The following TTLL12 variants were observed in gnomAD, a reference collection of about 807,000 sequenced individuals.
The protein encoded by TTLL12 is tubulin tyrosine ligase like 12.
In TTLL12, 77 loss-of-function variants were observed where a neutral mutation model predicts 79.6. The ratio of observed to expected loss-of-function variants is 0.97; its 90% CI spans 0.81 to 1.17. The LOEUF (loss-of-function observed/expected upper bound fraction) is 1.17, where lower values mean the gene tolerates loss of function less well. Among genes scored for constraint, TTLL12 ranks in the 50% most tolerant of loss-of-function variants. The probability of loss-of-function intolerance (pLI) is 0.00; values close to 1 mark genes in which losing one functional copy is unlikely to be tolerated. For missense variants in TTLL12, 969 were observed against 895.9 expected, an observed-to-expected ratio of 1.08 and a Z score of -1.04; for synonymous variants, 437 against 376.1, an observed-to-expected ratio of 1.16 and a Z score of -1.87.
intron 6 of TTLL12, among the ~76,000 whole-genome samples, chr22:43,174,983 C>T (rs1240630565): frequency 6.6e-6 from 1 of 152,260 alleles, no homozygotes; most frequent in Non-Finnish European, 1.5e-5. Flanking sequence ...CAGACAGGCA[C>T]ACCAAGGGCC....
rs1373772195 is a variant in TTLL12, at chr22:43,171,815, C to T, written c.1575+4G>A. On this transcript the variant is annotated splice_donor_region_variant and intron_variant, in intron 11 of 13. Coordinates refer to ENST00000216129, the MANE Select transcript of TTLL12 (RefSeq NM_015140.4). Reference sequence around the variant, plus strand: ...ACCTGCTCTGCACCTCCCTCAGGCCCTACCTGCTTCAGCACCACATCCGGG... The same window carrying T: ...ACCTGCTCTGCACCTCCCTCAGGCCTTACCTGCTTCAGCACCACATCCGGG... The T allele has an allele frequency of 5.6e-6, 9 of 1,613,832 alleles. No homozygotes were observed. The highest frequency in any genetic ancestry group is 7.6e-6 in the Non-Finnish European group (9 of 1,179,920).
chr22:43,182,180 G>A (rs1932074894), intron 2 of TTLL12, among the ~76,000 whole-genome samples: 1 of 152,198 alleles, frequency 6.6e-6, no homozygotes, highest in Admixed American at 6.5e-5. Context: ...GAGCTCCCAG[G>A]GCAGCCACTG....
At chr22:43,168,677 G>A (rs1018977201) in intron 13 of TTLL12, 97 bp downstream of exon 13, 2 of 1,493,220 alleles carry the variant, frequency 1.3e-6, no homozygotes, top group East Asian at 2.5e-5. Flanking sequence ...CAAGCCAGAG[G>A]ACAGCCTGGG....
chr22:43,182,748 G>T (rs577960674), intron 2 of TTLL12, among the ~76,000 whole-genome samples: 1 of 152,196 alleles, frequency 6.6e-6, no homozygotes, highest in Admixed American at 6.5e-5. Flanking sequence ...CAATGAGACC[G>T]CTGGGAGAGG....
At chr22:43,186,863 G>A (rs1223166446) in intron 1 of TTLL12, 30 bp downstream of exon 1, 3 of 1,250,054 alleles carry the variant, frequency 2.4e-6, no homozygotes, top group Non-Finnish European at 2.0e-6. Context: ...CACCCCGGCC[G>A]CCGCACGTGC....
At chr22:43,168,463 T>TA (rs1301584023) in intron 13 of TTLL12, among the ~76,000 whole-genome samples, 2 of 149,624 alleles carry the variant, frequency 1.3e-5, no homozygotes, top group East Asian at 3.9e-4. Flanking sequence ...AGCAGCAGTG[T>TA]ACTGTGTGGG....
At position 43,180,076 on chromosome 22, in the gene TTLL12, G is replaced by C. The variant is rs1002360024; in HGVS notation, c.547-76C>G. On this transcript the variant is annotated intron_variant, in intron 3 of 13. Transcript: ENST00000216129. ...AACTCCCTTCCGGAACCCAGACATC[G>C]ACCACCAGCCCACAGCCATTTCTCT... 3.4e-6 allele frequency: 5 copies of C among 1,480,564 alleles called. No individual in the cohort carries two copies. The Admixed American group carries it at 6.0e-5, about 18-fold the overall frequency. The allele number at this position is 1,480,564 out of a possible 1,614,324, so 91.7% of individuals were successfully genotyped here.
intron 6 of TTLL12, among the ~76,000 whole-genome samples, chr22:43,175,998 G>A (rs1931897737): frequency 6.6e-6 from 1 of 151,550 alleles, no homozygotes; most frequent in Non-Finnish European, 1.5e-5. Context: ...TCATAGGTGA[G>A]GTGTGAAACC....
At position 43,174,571 on chromosome 22, in the gene TTLL12, G is replaced by A. The variant is rs1189540494; in HGVS notation, c.962C>T (p.Pro321Leu). Residue 321 changes from proline to leucine, a missense_variant, in exon 7 of 14, where the codon CCG (proline) becomes CTG (leucine). Pro to Leu is a moderately conservative substitution (Grantham distance 98, BLOSUM62 -3). Transcript: ENST00000216129. ...VQQVASSLTH[P>L]RFTLTQSEAD... ...CTCACTCTGGGTGAGGGTGAAGCGC[G>A]GGTGGGTGAGGCTGCTGGCCACCTG... 1.3e-5 allele frequency: 21 copies of A among 1,613,174 alleles called. No homozygotes were observed. The highest frequency in any genetic ancestry group is 6.7e-5 in the Admixed American group (4 of 59,938).
At position 43,168,038 on chromosome 22, in the gene TTLL12, G is replaced by C. The variant is rs1348273118; in HGVS notation, c.1905C>G (p.Pro635=). Residue 635 remains proline, a synonymous_variant, in exon 14 of 14, where the codon CCC becomes CCG. Coordinates refer to ENST00000216129, the MANE Select transcript of TTLL12 (RefSeq NM_015140.4). ...DVFSTLFLDQ[P]GGCHVTCLV is the part of the protein sequence containing the mutation. ...CAAGGCAGGTAACGTGGCAGCCACCGGGCTGGTCCAGAAACAAGGTGCTGA... is the reference window on the plus strand; with the variant it reads ...CAAGGCAGGTAACGTGGCAGCCACCCGGCTGGTCCAGAAACAAGGTGCTGA... The C allele has an allele frequency of 6.2e-7, 1 of 1,614,094 alleles. No homozygotes were observed. The highest frequency in any genetic ancestry group is 8.5e-7 in the Non-Finnish European group (1 of 1,179,966).
At chr22:43,181,106 G>A (rs547785069) in intron 2 of TTLL12, among the ~76,000 whole-genome samples, 166 bp from the exon 3 acceptor site, 1 of 152,246 alleles carries the variant, frequency 6.6e-6, no homozygotes, top group Admixed American at 6.5e-5. Context: ...GTGGGCCTGG[G>A]TCAGGTGCTG....
Position 43,179,908 on chromosome 22 carries a change from G to A in TTLL12, c.639C>T (p.Pro213=), listed in dbSNP as rs141963658. The A allele has an allele frequency of 6.2e-6, 10 of 1,611,076 alleles. No individual in the cohort carries two copies. Among genetic ancestry groups the A allele is most frequent in the Non-Finnish European group, 8.5e-6 (10 of 1,179,898 alleles). The stretch of plus-strand genomic sequence containing the variant: ...CCACCTGCTGCGGCATGTAGAAGAA[G>A]GGTGCCGTGGCGAAGCTGGGCACGT... ...HADVPSFATA[P]FFYMPQQVAY... Residue 213 remains proline (P), a synonymous_variant, in exon 4 of 14, where the codon CCC becomes CCT. Transcript: ENST00000216129.
At chr22:43,175,670 AATTT>A (rs1232536368) in intron 6 of TTLL12, 5 of 151,720 alleles carry the variant, frequency 3.3e-5, no homozygotes, top group Non-Finnish European at 5.9e-5. Flanking sequence ...TTCAAAGATG[AATTT>A]ATTTTATTTT....
intron 6 of TTLL12, chr22:43,175,138 G>A (rs772158651): frequency 5.2e-5 from 8 of 152,572 alleles, no homozygotes; most frequent in African/African-American, 1.9e-4. Context: ...CCCGGTGGAG[G>A]GGGCAGAGTG....
chr22:43,181,053 T>A (rs900893521), intron 2 of TTLL12, 113 bp from the exon 3 acceptor site: 6 of 1,227,170 alleles, frequency 4.9e-6, no homozygotes, highest in Admixed American at 4.9e-5. Flanking sequence ...TTCCTTAGAT[T>A]TGGTCTACTG....
chr22:43,186,126 T>G (rs537078315), intron 1 of TTLL12: 251 of 407,788 alleles, frequency 6.2e-4, no homozygotes, highest in Middle Eastern at 1.3e-3. Flanking sequence ...CCTGCGCCAC[T>G]AGGCTCATCT....
chr22:43,172,026 G>T (rs567111823), intron 10 of TTLL12, 126 bp from the exon 11 acceptor site: 212 of 784,100 alleles, frequency 2.7e-4, no homozygotes, highest in Non-Finnish European at 2.8e-4. Flanking sequence ...TGCTGCTCAG[G>T]CGGGAGCCTG....
Position 43,172,447 on chromosome 22 carries a change from T to C in TTLL12, c.1449A>G (p.Leu483=), listed in dbSNP as rs754693909. ...AGAACACATCATACACGAACAACCG[T>C]AGGGGCCTCACTGACCGCAGCAGCA... The part of the protein sequence containing the change: ...YIVLLRSVRP[L]RLFVYDVFWL... The change falls in exon 10 of 14, where the codon CTA becomes CTG. Residue 483 remains leucine (L), a synonymous_variant. Coordinates refer to ENST00000216129, the MANE Select transcript of TTLL12 (RefSeq NM_015140.4). 3.1e-6 allele frequency: 5 copies of C among 1,614,008 alleles called. No individual in the cohort carries two copies. The highest frequency in any genetic ancestry group is 1.7e-5 in the Admixed American group (1 of 59,998).
At chr22:43,176,425 T>C in intron 5 of TTLL12, 29 bp from the exon 6 acceptor site, 10 of 1,581,658 alleles carry the variant, frequency 6.3e-6, no homozygotes, top group African/African-American at 1.3e-5. Context: ...GAAGTAGAGA[T>C]GAGGTCAAGG....
Sources: allele counts gnomAD v4.1 joint callset (sites outside exome capture counted in the v4.1 genomes callset), GRCh38; gene constraint gnomAD v4.1.1; transcripts MANE v1.5; gene names NCBI Gene and HGNC (gene_info 2026-07-23, HGNC 2026-07-21).